Variants in EPB41L4B observed in about 807,000 individuals in gnomAD.
EPB41L4B encodes band 4.1-like protein 4B.
EPB41L4B carries 30 observed loss-of-function variants against 112.5 expected under a neutral mutation model. The observed-to-expected ratio is 0.27, with a 90% CI of 0.20 to 0.36. The LOEUF (loss-of-function observed/expected upper bound fraction) is 0.36, where lower values mean the gene tolerates loss of function less well. Among genes scored for constraint, EPB41L4B ranks in the 10% least tolerant of loss-of-function variants. The pLI, the probability that EPB41L4B is intolerant of heterozygous loss-of-function variation, is 1.00. For synonymous variants in EPB41L4B, 408 were observed against 439.7 expected (o/e 0.93, Z 0.90); for missense variants, 1,024 against 1,133.3 (o/e 0.90, Z 1.38).
chr9:109,253,857 C>G (rs117020268), intron 11 of EPB41L4B, among the ~76,000 whole-genome samples: 174 of 152,326 alleles, frequency 1.1e-3, no homozygotes, highest in Non-Finnish European at 2.1e-3. Flanking sequence ...TTGATTTTCA[C>G]ATAAAATAAC....
At chr9:109,262,657 C>T (rs773721687) in intron 6 of EPB41L4B, among the ~76,000 whole-genome samples, 4 of 152,218 alleles carry the variant, frequency 2.6e-5, no homozygotes, top group Non-Finnish European at 4.4e-5. Context: ...AAAGGTGTCA[C>T]TGCTGACTGC....
chr9:109,179,455 C>G (rs963628718), intron 24 of EPB41L4B, among the ~76,000 whole-genome samples: 1 of 152,174 alleles, frequency 6.6e-6, no homozygotes, highest in Non-Finnish European at 1.5e-5. Flanking sequence ...GAAGCTGAAG[C>G]CCATGAGCTT....
chr9:109,195,097 C>A (rs374595067), intron 20 of EPB41L4B, among the ~76,000 whole-genome samples: 1 of 152,188 alleles, frequency 6.6e-6, no homozygotes, highest in African/African-American at 2.4e-5. Flanking sequence ...CTGCCATGAA[C>A]ATGGGTGTAC....
chr9:109,202,100 AAGG>A (rs1832853027), intron 19 of EPB41L4B, among the ~76,000 whole-genome samples: 1 of 152,092 alleles, frequency 6.6e-6, no homozygotes, highest in South Asian at 2.1e-4. Context: ...ATGAGGGAAT[AAGG>A]TAGGAGAAAA....
In EPB41L4B at chr9:109,239,470, T is replaced by C. The variant is rs377323720; in HGVS notation, c.1409+4148A>G. On this transcript the variant is annotated intron_variant, in intron 15 of 25. Coordinates refer to ENST00000374566, the MANE Select transcript of EPB41L4B (RefSeq NM_019114.5). The stretch of plus-strand genomic sequence containing the variant: ...GATGGTTTCAGAGTCAACAGCATGA[T>C]AAAATCATGACAGAATGAGAAGACT... Among the ~76,000 whole-genome samples the C allele has an allele frequency of 2.2e-4, 33 of 152,234 alleles. 1 individual carries two copies. Among genetic ancestry groups the C allele is most frequent in the African/African-American group, 7.7e-4 (32 of 41,544 alleles).
At chr9:109,211,107 T>C (rs1268525178) in intron 17 of EPB41L4B, among the ~76,000 whole-genome samples, 2 of 152,156 alleles carry the variant, frequency 1.3e-5, no homozygotes, top group Non-Finnish European at 2.9e-5. Flanking sequence ...AAATGACATC[T>C]CACCATTCAA....
At chr9:109,242,289 G>A (rs537469501) in intron 15 of EPB41L4B, among the ~76,000 whole-genome samples, 3 of 152,302 alleles carry the variant, frequency 2.0e-5, no homozygotes, top group Admixed American at 2.0e-4. Flanking sequence ...GGGTGGGGCT[G>A]AGAATTTGCA....
At chr9:109,192,887 T>A (rs1042601219) in intron 21 of EPB41L4B, among the ~76,000 whole-genome samples, 11 of 152,114 alleles carry the variant, frequency 7.2e-5, no homozygotes, top group African/African-American at 2.7e-4. Flanking sequence ...AGAAGTCCCA[T>A]CAACGTGGTT....
chr9:109,281,225 T>C (rs1056671883), intron 1 of EPB41L4B, among the ~76,000 whole-genome samples: 1 of 151,650 alleles, frequency 6.6e-6, no homozygotes, highest in East Asian at 1.9e-4. Context: ...TAAAGAACTA[T>C]TACAGCTCAA....
At chr9:109,177,696 G>A (rs559056957) in intron 24 of EPB41L4B, among the ~76,000 whole-genome samples, 2 of 151,794 alleles carry the variant, frequency 1.3e-5, no homozygotes, top group Admixed American at 6.6e-5. Flanking sequence ...GCTGGCGCAC[G>A]CCTGTAATCC....
At chr9:109,271,334 G>A (rs892104553) in intron 2 of EPB41L4B, among the ~76,000 whole-genome samples, 5 of 152,248 alleles carry the variant, frequency 3.3e-5, no homozygotes, top group Admixed American at 2.0e-4. Flanking sequence ...GCCGAGAATG[G>A]AATCAGAAAC....
At chr9:109,216,880 T>C in intron 16 of EPB41L4B, 42 bp downstream of exon 16, 3 of 1,586,476 alleles carry the variant, frequency 1.9e-6, no homozygotes, top group Non-Finnish European at 2.6e-6. Context: ...CCTGCAGCAT[T>C]GCTCCCCCTT....
chr9:109,223,477 C>T (rs965198354), intron 15 of EPB41L4B, among the ~76,000 whole-genome samples: 1 of 151,618 alleles, frequency 6.6e-6, no homozygotes, highest in African/African-American at 2.4e-5. Context: ...ATAATGGTAT[C>T]CTCTGGAATC....
Position 109,320,284 on chromosome 9 carries a change from C to T in EPB41L4B, c.163G>A (p.Gly55Arg). 1 of 1,116,010 alleles carries T rather than the reference C, an allele frequency of 9.0e-7. No homozygotes were observed. Among genetic ancestry groups the T allele is most frequent in the Non-Finnish European group, 1.1e-6 (1 of 912,378 alleles). 69.1% of individuals were successfully genotyped at this position (1,116,010 alleles called of 1,614,324 possible). The change falls in exon 1 of 26, where the codon GGG becomes AGG. Residue 55 changes from glycine (G) to arginine (R), a missense_variant. Transcript: ENST00000374566. ...ASSSALPAAP[G>R]GSVFPAGGGP... ...CCGCCCGCCGGGAACACGCTGCCCC[C>T]GGGCGCGGCGGGCAGCGCCGAGGAG...
chr9:109,241,018 A>G (rs1834336451), intron 15 of EPB41L4B: 1 of 985,218 alleles, frequency 1.0e-6, no homozygotes, highest in Non-Finnish European at 1.2e-6. Flanking sequence ...ATAACATCTA[A>G]TAAGTTATAT....
chr9:109,302,804 C>T (rs1837022108), intron 1 of EPB41L4B, among the ~76,000 whole-genome samples: 1 of 152,176 alleles, frequency 6.6e-6, no homozygotes, highest in Admixed American at 6.5e-5. Context: ...GTGCAGCTGC[C>T]TCCCTGGCTG....
At chr9:109,263,861 A>G (rs1835305005) in intron 5 of EPB41L4B, among the ~76,000 whole-genome samples, 1 of 152,234 alleles carries the variant, frequency 6.6e-6, no homozygotes, top group Non-Finnish European at 1.5e-5. Flanking sequence ...GCTGGAAAGG[A>G]GCAATGTTGG....
chr9:109,260,667 G>A (rs1447197985), intron 6 of EPB41L4B, among the ~76,000 whole-genome samples: 1 of 152,066 alleles, frequency 6.6e-6, no homozygotes, highest in Non-Finnish European at 1.5e-5. Flanking sequence ...CACCCGCCTC[G>A]GCCTCCCGAA....
intron 4 of EPB41L4B, 54 bp downstream of exon 4, chr9:109,267,419 T>C (rs529333972): frequency 4.4e-6 from 5 of 1,140,392 alleles, no homozygotes; most frequent in Non-Finnish European, 6.6e-6. Flanking sequence ...GAGCCATAAA[T>C]GACATGTAAG....
Sources: allele counts gnomAD v4.1 joint callset (sites outside exome capture counted in the v4.1 genomes callset), GRCh38; gene constraint gnomAD v4.1.1; transcripts MANE v1.5; gene names NCBI Gene and HGNC (gene_info 2026-07-23, HGNC 2026-07-21).